ARHGAP28: variants seen among roughly 807,000 people sequenced by gnomAD.
ARHGAP28 encodes Rho GTPase activating protein 28, also known as rho GTPase-activating protein 28.
A neutral mutation model predicts 90.7 loss-of-function variants in ARHGAP28; 56 were observed. The ratio of observed to expected loss-of-function variants is 0.62; its 90% CI spans 0.50 to 0.77. The LOEUF (loss-of-function observed/expected upper bound fraction) is 0.77. ARHGAP28 is among the 30% of genes least tolerant of loss of function. The probability of loss-of-function intolerance (pLI) is 0.00; values close to 1 mark genes in which losing one functional copy is unlikely to be tolerated. For synonymous variants in ARHGAP28, 308 were observed against 323.3 expected (o/e 0.95, Z 0.51); for missense variants, 869 against 900.9 (o/e 0.96, Z 0.45).
At chr18:6,875,312 A>G (rs2057122556) in intron 9 of ARHGAP28, among the ~76,000 whole-genome samples, 1 of 152,234 alleles carries the variant, frequency 6.6e-6, no homozygotes, top group Admixed American at 6.5e-5. Context: ...GGCTTTTCTT[A>G]CAGACATGTT....
Position 6,894,685 on chromosome 18 carries a change from G to A in ARHGAP28, c.1849-150G>A, listed in dbSNP as rs374626534. ...ATATTTATAGGATAAATGCATAGAT[G>A]TGGAGCTGTTGGATTAAAGTGCATA... On this transcript the variant is annotated intron_variant, in intron 14 of 17. Transcript: ENST00000383472. 12 of 633,208 alleles carry A rather than the reference G, an allele frequency of 1.9e-5. 1 individual carries two copies. The South Asian group carries it at 2.3e-4, about 12-fold the overall frequency. The allele number at this position is 633,208 out of a possible 1,614,324, so 39.2% of individuals were successfully genotyped here.
intron 1 of ARHGAP28, among the ~76,000 whole-genome samples, chr18:6,746,043 C>T (rs2143217190): frequency 6.6e-6 from 1 of 152,282 alleles, no homozygotes; most frequent in East Asian, 1.9e-4. Context: ...TATTTTTGCG[C>T]CTGATCAATT....
At chr18:6,801,936 G>C (rs930140886) in intron 1 of ARHGAP28, among the ~76,000 whole-genome samples, 2 of 151,888 alleles carry the variant, frequency 1.3e-5, no homozygotes, top group South Asian at 2.1e-4. Flanking sequence ...TCAGCCTCTG[G>C]TAACTACCAG....
chr18:6,886,260 C>T (rs2143683554), intron 11 of ARHGAP28, among the ~76,000 whole-genome samples: 1 of 152,258 alleles, frequency 6.6e-6, no homozygotes, highest in African/African-American at 2.4e-5. Flanking sequence ...GATTCCAGAA[C>T]ATAATGCTTT....
In ARHGAP28 at chr18:6,868,207, G is replaced by A; in HGVS notation, c.784G>A (p.Gly262Arg). ...PVHSNGSPEPGQPVQNAISDD... is the reference protein window; with the variant it reads ...PVHSNGSPEPRQPVQNAISDD... ...TCATTCCAATGGATCACCGGAGCCT[G>A]GACAGCCAGTTCAGAATGCGATAAG... is the stretch of plus-strand genomic sequence containing the variant. Residue 262 changes from glycine to arginine, a missense_variant, in exon 6 of 18, where the codon GGA becomes AGA. By Grantham distance (125) the Gly-to-Arg change is moderately radical (BLOSUM62 -2). Coordinates refer to ENST00000383472, the MANE Select transcript of ARHGAP28 (RefSeq NM_001366230.1). The A allele has an allele frequency of 6.2e-7, 1 of 1,614,152 alleles. No individual in the cohort carries two copies. The highest frequency in any genetic ancestry group is 1.3e-5 in the African/African-American group (1 of 75,042).
intron 1 of ARHGAP28, chr18:6,754,682 C>T (rs1302676279): frequency 2.0e-5 from 3 of 152,184 alleles, no homozygotes; most frequent in Admixed American, 2.0e-4. Context: ...TCCATTCATT[C>T]TGCAGGTCAA....
At chr18:6,781,059 G>C (rs1011358657) in intron 1 of ARHGAP28, among the ~76,000 whole-genome samples, 22 of 152,316 alleles carry the variant, frequency 1.4e-4, no homozygotes, top group African/African-American at 5.3e-4. Flanking sequence ...ACAGCCAGTC[G>C]ACTTGATCCA....
chr18:6,791,072 A>G (rs1452777470), intron 1 of ARHGAP28: 1 of 151,988 alleles, frequency 6.6e-6, no homozygotes, highest in East Asian at 1.9e-4. Context: ...CTAATAGGAT[A>G]TATATATATA....
intron 5 of ARHGAP28, among the ~76,000 whole-genome samples, chr18:6,864,963 C>G (rs2057027519): frequency 6.6e-6 from 1 of 152,102 alleles, no homozygotes; most frequent in East Asian, 1.9e-4. Flanking sequence ...ACAGCGATTT[C>G]CCATATCCCC....
intron 3 of ARHGAP28, among the ~76,000 whole-genome samples, chr18:6,844,518 T>C (rs916896046): frequency 3.2e-4 from 48 of 152,230 alleles, no homozygotes; most frequent in African/African-American, 1.2e-3. Flanking sequence ...ATCATAGCTA[T>C]GGTTATCTCC....
chr18:6,767,032 C>A (rs2056205107), intron 1 of ARHGAP28, among the ~76,000 whole-genome samples: 1 of 152,154 alleles, frequency 6.6e-6, no homozygotes, highest in Non-Finnish European at 1.5e-5. Flanking sequence ...GTTCTTTTCC[C>A]TTTTTCTCAC....
chr18:6,831,409 C>T (rs2056713691), intron 2 of ARHGAP28, among the ~76,000 whole-genome samples: 1 of 150,186 alleles, frequency 6.7e-6, no homozygotes, highest in African/African-American at 2.4e-5. Context: ...TTGGGTTTGC[C>T]TCTGTCTTTT....
intron 5 of ARHGAP28, among the ~76,000 whole-genome samples, chr18:6,862,573 T>A (rs1250073217): frequency 6.6e-6 from 1 of 152,256 alleles, no homozygotes; most frequent in Non-Finnish European, 1.5e-5. Flanking sequence ...ATGGTTTGTT[T>A]TAGAAATCTG....
At chr18:6,908,490 C>T (rs1600312271) in intron 16 of ARHGAP28, among the ~76,000 whole-genome samples, 1 of 152,196 alleles carries the variant, frequency 6.6e-6, no homozygotes, top group East Asian at 1.9e-4. Context: ...CAGCCTTAGA[C>T]ACCTTGCAAA....
chr18:6,839,357 A>C (rs34347653), intron 3 of ARHGAP28, among the ~76,000 whole-genome samples: 35 of 148,206 alleles, frequency 2.4e-4, no homozygotes, highest in Middle Eastern at 7.1e-3. Flanking sequence ...GCAGTGGCGC[A>C]ATCTCGGCTC....
intron 2 of ARHGAP28, among the ~76,000 whole-genome samples, chr18:6,825,525 G>A (rs954388375): frequency 6.6e-6 from 1 of 152,144 alleles, no homozygotes; most frequent in African/African-American, 2.4e-5. Flanking sequence ...GGGTACATGT[G>A]CAGGTTTCTT....
chr18:6,826,845 T>A (rs1199916269), intron 2 of ARHGAP28, among the ~76,000 whole-genome samples: 1 of 152,142 alleles, frequency 6.6e-6, no homozygotes, highest in Admixed American at 6.6e-5. Flanking sequence ...CCTTCCGCAG[T>A]GTTTGTGTCC....
intron 4 of ARHGAP28, 74 bp downstream of exon 4, chr18:6,851,200 GA>G (rs1175271261): frequency 1.1e-5 from 14 of 1,317,948 alleles, no homozygotes; most frequent in Non-Finnish European, 1.4e-5. Context: ...AGCAAAACTT[GA>G]AAAAAGTGCA....
At chr18:6,878,030 C>T (rs2057146207) in intron 10 of ARHGAP28, among the ~76,000 whole-genome samples, 1 of 151,928 alleles carries the variant, frequency 6.6e-6, no homozygotes, top group African/African-American at 2.4e-5. Flanking sequence ...GGGTGTATAA[C>T]ATGCATAATG....
Sources: gnomAD v4.1 joint callset for allele counts (sites outside exome capture counted in the v4.1 genomes callset) on GRCh38, gnomAD v4.1.1 for gene constraint, MANE v1.5 for transcripts, NCBI Gene and HGNC (gene_info 2026-07-23, HGNC 2026-07-21) for gene names.